ZNF266: variants seen among roughly 807,000 people sequenced by gnomAD.
The protein encoded by ZNF266 is zinc finger protein 1.
ZNF266 carries 16 observed loss-of-function variants against 16.4 expected under a neutral mutation model. The observed-to-expected ratio is 0.98, with a 90% CI of 0.66 to 1.48. ZNF266 has a LOEUF of 1.48. Ranked by LOEUF, ZNF266 falls within the 40% of genes most tolerant of loss-of-function variation. ZNF266 has a pLI of 0.00. For synonymous variants in ZNF266, 262 were observed against 237.9 expected (o/e 1.10, Z -0.93); for missense variants, 738 against 689.1 (o/e 1.07, Z -0.79).
chr19:9,427,362 C>A (rs2070907010), intron 5 of ZNF266, among the ~76,000 whole-genome samples: 1 of 152,080 alleles, frequency 6.6e-6, no homozygotes, highest in Non-Finnish European at 1.5e-5. Context: ...CTCTGTCACC[C>A]AGGCTAGAAT....
chr19:9,420,381 G>T (rs774954790), intron 5 of ZNF266, 163 bp from the exon 6 acceptor site: 10 of 152,314 alleles, frequency 6.6e-5, no homozygotes, highest in Non-Finnish European at 1.0e-4. Context: ...TGTGTCAGAA[G>T]TCACACTAGC....
At chr19:9,419,845 G>A (rs1211614944) in intron 6 of ZNF266, 2 of 150,006 alleles carry the variant, frequency 1.3e-5, no homozygotes. Flanking sequence ...AGGTGGCAAT[G>A]AGCTGAGATC....
Position 9,434,862 on chromosome 19 carries a change from AG to A in ZNF266, c.-471-4del, listed in dbSNP as rs1333747256. On this transcript the variant is annotated splice_region_variant and splice_polypyrimidine_tract_variant and intron_variant, in intron 2 of 10. Coordinates refer to ENST00000592904, the MANE Select transcript of ZNF266 (RefSeq NM_001370374.1). ...AAGCTCTGTGGGGAGGTACAGGCCT[AG>A]GAAGTTCAGATAAAAAGAATAGCTG... 2 of 152,180 alleles carry A rather than the reference AG, an allele frequency of 1.3e-5. No homozygotes were observed. The highest frequency in any genetic ancestry group is 2.9e-5 in the Non-Finnish European group (2 of 68,038). 9.4% of individuals were successfully genotyped at this position (152,180 alleles called of 1,614,324 possible).
intron 9 of ZNF266, among the ~76,000 whole-genome samples, chr19:9,416,527 C>A (rs2069032935): frequency 6.6e-6 from 1 of 151,320 alleles, no homozygotes; most frequent in South Asian, 2.1e-4. Context: ...CCAAGCCCAG[C>A]TAATTTTTGC....
At chr19:9,427,743 T>C (rs773515553) in intron 5 of ZNF266, among the ~76,000 whole-genome samples, 2 of 152,080 alleles carry the variant, frequency 1.3e-5, no homozygotes, top group Non-Finnish European at 2.9e-5. Flanking sequence ...TGTCATCACA[T>C]ACGATCTTTG....
chr19:9,431,823 C>G (rs145283458), intron 5 of ZNF266, among the ~76,000 whole-genome samples: 292 of 152,338 alleles, frequency 1.9e-3, no homozygotes, highest in Non-Finnish European at 2.9e-3. Flanking sequence ...GAGATCCCCA[C>G]CTGCTGGCAT....
chr19:9,421,835 T>G (rs1202653846), intron 5 of ZNF266, among the ~76,000 whole-genome samples: 1 of 148,538 alleles, frequency 6.7e-6, no homozygotes, highest in Non-Finnish European at 1.5e-5. Context: ...TTCCTATTTT[T>G]GGAGCAACAA....
Position 9,414,717 on chromosome 19 carries a change from CTA to C in ZNF266, c.407_408del (p.Ile136ArgfsTer10). 6.4e-7 allele frequency: 1 copy of C among 1,557,526 alleles called. No individual in the cohort carries two copies. The highest frequency in any genetic ancestry group is 8.7e-7 in the Non-Finnish European group (1 of 1,147,866). ...GEPTSSGIQM[I>X]GSHNGGEVSD... Reference sequence around the variant, plus strand: ...CTGACCTCCCCTCCGTTGTGGCTTCCTATCTGTTGATAAAGGAATGAATGATG... The same window carrying C: ...CTGACCTCCCCTCCGTTGTGGCTTCCTCTGTTGATAAAGGAATGAATGATG... On this transcript the variant is annotated frameshift_variant and splice_region_variant, in exon 11 of 11. Coordinates refer to ENST00000592904, the MANE Select transcript of ZNF266 (RefSeq NM_001370374.1). LOFTEE classifies it low-confidence loss of function (END_TRUNC).
Position 9,414,217 on chromosome 19 carries a change from T to C in ZNF266, c.909A>G (p.Gly303=). Residue 303 remains glycine, a synonymous_variant, in exon 11 of 11, where the codon GGA becomes GGG. Coordinates refer to ENST00000592904, the MANE Select transcript of ZNF266 (RefSeq NM_001370374.1). The part of the protein sequence containing the change: ...YLNIHMGTHT[G]DNPYECKECG... ...ACTCCTTACACTCATAGGGATTGTCTCCAGTGTGGGTTCCCATGTGAATAT... is the reference window on the plus strand; with the variant it reads ...ACTCCTTACACTCATAGGGATTGTCCCCAGTGTGGGTTCCCATGTGAATAT... 2 of 1,614,222 alleles carry C rather than the reference T, an allele frequency of 1.2e-6. No homozygotes were observed. Among genetic ancestry groups the C allele is most frequent in the Non-Finnish European group, 8.5e-7 (1 of 1,180,040 alleles).
intron 5 of ZNF266, among the ~76,000 whole-genome samples, chr19:9,430,125 C>T (rs2071373776): frequency 6.6e-6 from 1 of 150,714 alleles, no homozygotes; most frequent in East Asian, 2.0e-4. Context: ...GTTCCTGCTT[C>T]ACCTCCCTAG....
rs55740067 is a variant in ZNF266 at position 9,424,220 on chromosome 19, CAAAAAA to C, written c.-129-4008_-129-4003del. Among the ~76,000 whole-genome samples, 224 of 121,570 alleles carry C rather than the reference CAAAAAA, an allele frequency of 1.8e-3. 1 individual carries two copies. Among genetic ancestry groups the C allele is most frequent in the Middle Eastern group, 4.1e-3 (1 of 242 alleles). 79.8% of individuals were successfully genotyped at this position (121,570 alleles called of 152,430 possible). A position where few individuals can be genotyped will look rare whatever the true frequency, so the allele number is the denominator to read the frequency against. On this transcript the variant is annotated intron_variant, in intron 5 of 10. Transcript: ENST00000592904. Reference sequence around the variant, plus strand: ...CTTCATATACCACTAAACCAAGAGGCAAAAAAAAAAAAAAAAAAAAAGAAAAAAGTT... The same window carrying C: ...CTTCATATACCACTAAACCAAGAGGCAAAAAAAAAAAAAAAGAAAAAAGTT...
chr19:9,424,300 GCAC>G (rs2070399943), intron 5 of ZNF266, among the ~76,000 whole-genome samples: 1 of 152,040 alleles, frequency 6.6e-6, no homozygotes, highest in Non-Finnish European at 1.5e-5. Flanking sequence ...GGAAACTGTG[GCAC>G]TACTAGACAA....
At chr19:9,428,071 A>T (rs1332765273) in intron 5 of ZNF266, among the ~76,000 whole-genome samples, 1 of 152,108 alleles carries the variant, frequency 6.6e-6, no homozygotes, top group Non-Finnish European at 1.5e-5. Flanking sequence ...TAGACCACTT[A>T]CGATGGTCAT....
rs181397389 is a variant in ZNF266, at chr19:9,413,141, T to C, written c.*134A>G. ...TTCCCTGATGCAGGGTCTTCTCCAC[T>C]GTGAATTCATATGTGTTCATTAAGA... On this transcript the variant is annotated 3_prime_UTR_variant, in exon 11 of 11. Transcript: ENST00000592904. 5.7e-4 allele frequency: 642 copies of C among 1,128,034 alleles called. 10 individuals carry two copies. In the Admixed American group the frequency reaches 0.015, roughly 26 times the overall value. 69.9% of individuals were successfully genotyped at this position (1,128,034 alleles called of 1,614,324 possible).
chr19:9,421,751 G>A (rs1416348586), intron 5 of ZNF266, among the ~76,000 whole-genome samples: 1 of 152,060 alleles, frequency 6.6e-6, no homozygotes, highest in Non-Finnish European at 1.5e-5. Flanking sequence ...ATTTCTTCTT[G>A]TGTATCTGTA....
At chr19:9,422,004 C>T (rs1419077758) in intron 5 of ZNF266, among the ~76,000 whole-genome samples, 1 of 152,198 alleles carries the variant, frequency 6.6e-6, no homozygotes, top group African/African-American at 2.4e-5. Context: ...GCACCCGCCA[C>T]CACACCCGGC....
chr19:9,424,333 G>C (rs2070404182), intron 5 of ZNF266, among the ~76,000 whole-genome samples: 2 of 152,058 alleles, frequency 1.3e-5, no homozygotes, highest in Non-Finnish European at 2.9e-5. Flanking sequence ...GGAGGATGAA[G>C]TGATGAGGTG....
In ZNF266 at chr19:9,418,643, C is replaced by G. The variant is rs2069415521; in HGVS notation, c.109-12G>C. The G allele has an allele frequency of 7.9e-7, 1 of 1,266,798 alleles. No individual in the cohort carries two copies. The highest frequency in any genetic ancestry group is 1.7e-5 in the Admixed American group (1 of 59,148). 78.5% of individuals were successfully genotyped at this position (1,266,798 alleles called of 1,614,324 possible). A position where few individuals can be genotyped will look rare whatever the true frequency, so the allele number is the denominator to read the frequency against. On this transcript the variant is annotated splice_polypyrimidine_tract_variant and intron_variant, in intron 7 of 10. Coordinates refer to ENST00000592904, the MANE Select transcript of ZNF266 (RefSeq NM_001370374.1). ...AAAGTCACTGAATCCTAAACCATCA[C>G]ACACATGCTGGCTTGAGCCACAAAA...
In ZNF266 at chr19:9,417,831, G is replaced by C; in HGVS notation, c.313C>G (p.Gln105Glu). 1 of 1,613,340 alleles carries C rather than the reference G, an allele frequency of 6.2e-7. No individual in the cohort carries two copies. The highest frequency in any genetic ancestry group is 1.1e-5 in the South Asian group (1 of 91,030). The change falls in exon 9 of 11, where the codon CAA becomes GAA. Residue 105 changes from glutamine (Q) to glutamate (E), a missense_variant. Coordinates refer to ENST00000592904, the MANE Select transcript of ZNF266 (RefSeq NM_001370374.1). ...GCGGTCCTTTGTGAACACTCACCTT[G>C]GAAATCACCTCTCTGCACTGTCCTA... is the stretch of plus-strand genomic sequence containing the variant. ...ESRTVQRGDF[Q>E]ASEWKVQLKT...
Sources: gnomAD v4.1 joint callset for allele counts (sites outside exome capture counted in the v4.1 genomes callset) on GRCh38, gnomAD v4.1.1 for gene constraint, MANE v1.5 for transcripts, NCBI Gene and HGNC (gene_info 2026-07-23, HGNC 2026-07-21) for gene names.